ARHGAP24: variants seen among roughly 807,000 people sequenced by gnomAD.
ARHGAP24 encodes the protein Rho GTPase activating protein 24, also known as rho GTPase-activating protein 24.
Under a neutral mutation model 76.4 loss-of-function variants are expected in ARHGAP24, and 50 were observed. The observed-to-expected ratio is 0.65, with a 90% CI of 0.52 to 0.83. The LOEUF (loss-of-function observed/expected upper bound fraction) is 0.83, where lower values mean the gene tolerates loss of function less well. Among genes scored for constraint, ARHGAP24 ranks in the 40% least tolerant of loss-of-function variants. The pLI is 0.00. For synonymous variants in ARHGAP24, 345 were observed against 323.3 expected, an observed-to-expected ratio of 1.07 and a Z score of -0.72; for missense variants, 930 against 914.2, an observed-to-expected ratio of 1.02 and a Z score of -0.22.
At chr4:85,793,799 A>T (rs1728229040) in intron 3 of ARHGAP24, among the ~76,000 whole-genome samples, 1 of 152,294 alleles carries the variant, frequency 6.6e-6, no homozygotes, top group Admixed American at 6.5e-5. Context: ...GTTGCCAAAA[A>T]CACACACACA....
chr4:85,844,286 G>A (rs949599619), intron 3 of ARHGAP24, among the ~76,000 whole-genome samples: 6 of 152,164 alleles, frequency 3.9e-5, no homozygotes, highest in African/African-American at 1.2e-4. Context: ...ATCCATTAGC[G>A]GAGGGCCAGG....
chr4:85,855,489 C>T (rs1380014094), intron 3 of ARHGAP24, among the ~76,000 whole-genome samples: 6 of 152,010 alleles, frequency 3.9e-5, no homozygotes, highest in Non-Finnish European at 7.4e-5. Context: ...GGTGGATCAC[C>T]TGAGGTCAGG....
At chr4:85,830,396 G>T (rs919776846) in intron 3 of ARHGAP24, among the ~76,000 whole-genome samples, 4 of 152,206 alleles carry the variant, frequency 2.6e-5, no homozygotes, top group African/African-American at 9.6e-5. Context: ...ATCGTGCCTA[G>T]CATTTCTGCT....
chr4:85,915,411 G>A (rs1209262458), intron 3 of ARHGAP24, among the ~76,000 whole-genome samples: 1 of 152,062 alleles, frequency 6.6e-6, no homozygotes, highest in Non-Finnish European at 1.5e-5. Context: ...AGATAAATCA[G>A]TCATCACTTT....
At chr4:85,967,485 T>C (rs1342053348) in intron 5 of ARHGAP24, among the ~76,000 whole-genome samples, 5 of 152,070 alleles carry the variant, frequency 3.3e-5, no homozygotes, top group Admixed American at 2.6e-4. Context: ...AATTCTCCCT[T>C]TAAGTTTGTA....
intron 3 of ARHGAP24, among the ~76,000 whole-genome samples, chr4:85,818,543 G>A (rs1247544580): frequency 6.6e-6 from 1 of 152,142 alleles, no homozygotes; most frequent in Non-Finnish European, 1.5e-5. Context: ...CGTAATTTGA[G>A]ACCATGTAAA....
At chr4:85,946,646 G>T (rs1378998253) in intron 5 of ARHGAP24, among the ~76,000 whole-genome samples, 1 of 152,184 alleles carries the variant, frequency 6.6e-6, no homozygotes, top group Non-Finnish European at 1.5e-5. Context: ...CTATGTTGCA[G>T]CAGAGGACAT....
chr4:85,519,036 A>G (rs931866405), intron 1 of ARHGAP24, among the ~76,000 whole-genome samples: 63 of 152,256 alleles, frequency 4.1e-4, no homozygotes, highest in African/African-American at 1.5e-3. Context: ...ACAAATGGCT[A>G]ACAAACATAT....
chr4:85,942,304 A>G, intron 5 of ARHGAP24, 31 bp downstream of exon 5: 1 of 1,610,242 alleles, frequency 6.2e-7, no homozygotes, highest in Non-Finnish European at 8.5e-7. Context: ...AGCCATCTTC[A>G]CTGAGAAATT....
chr4:85,883,678 T>C (rs900506894), intron 3 of ARHGAP24, among the ~76,000 whole-genome samples: 8 of 152,068 alleles, frequency 5.3e-5, no homozygotes, highest in African/African-American at 1.9e-4. Context: ...CAGTATAGGG[T>C]CTAGGAGCCA....
intron 5 of ARHGAP24, among the ~76,000 whole-genome samples, chr4:85,966,230 AC>A (rs1738589767): frequency 6.6e-6 from 1 of 151,868 alleles, no homozygotes; most frequent in Admixed American, 6.6e-5. Context: ...AACCCTAATT[AC>A]CTCCCAGAGC....
chr4:85,890,011 G>A (rs1004015760), intron 3 of ARHGAP24, among the ~76,000 whole-genome samples: 1 of 151,644 alleles, frequency 6.6e-6, no homozygotes, highest in African/African-American at 2.4e-5. Context: ...CATTTTTTAG[G>A]TAATGATGTA....
intron 5 of ARHGAP24, among the ~76,000 whole-genome samples, chr4:85,961,830 G>A (rs536343480): frequency 3.3e-5 from 5 of 152,078 alleles, no homozygotes; most frequent in African/African-American, 4.8e-5. Context: ...GTACCCCTCA[G>A]CATGAAAACA....
chr4:85,622,895 C>T (rs1194125086), intron 2 of ARHGAP24, among the ~76,000 whole-genome samples: 1 of 152,056 alleles, frequency 6.6e-6, no homozygotes, highest in Non-Finnish European at 1.5e-5. Flanking sequence ...TAAATGTCTT[C>T]TTTTGAGAAG....
intron 1 of ARHGAP24, among the ~76,000 whole-genome samples, chr4:85,491,699 A>G (rs1230755136): frequency 6.6e-6 from 1 of 152,116 alleles, no homozygotes; most frequent in Non-Finnish European, 1.5e-5. Flanking sequence ...TTCTTAGCCC[A>G]AGGAGGGCTC....
chr4:85,661,763 C>T (rs1218101587), intron 2 of ARHGAP24, among the ~76,000 whole-genome samples: 27 of 149,300 alleles, frequency 1.8e-4, no homozygotes, highest in Middle Eastern at 3.4e-3. Context: ...TGAGAGCATG[C>T]GGTGTTTGGT....
In ARHGAP24 at chr4:85,972,049, C is replaced by T; in HGVS notation, c.613C>T (p.His205Tyr). 1.2e-6 allele frequency: 2 copies of T among 1,614,032 alleles called. No homozygotes were observed. The highest frequency in any genetic ancestry group is 1.7e-6 in the Non-Finnish European group (2 of 1,179,982). ...CTGTCTCCACAGCAACACAGATGTACACACGGTGGCATCACTTCTTAAGCT... is the reference window on the plus strand; with the variant it reads ...CTGTCTCCACAGCAACACAGATGTATACACGGTGGCATCACTTCTTAAGCT... ...KPSFDSNTDV[H>Y]TVASLLKLYL... Residue 205 changes from histidine (H) to tyrosine (Y), a missense_variant, in exon 6 of 10, where the codon CAC (histidine) becomes TAC (tyrosine). Coordinates refer to ENST00000395184, the MANE Select transcript of ARHGAP24 (RefSeq NM_001025616.3).
intron 3 of ARHGAP24, among the ~76,000 whole-genome samples, chr4:85,904,634 A>G (rs1734676310): frequency 6.6e-6 from 1 of 152,246 alleles, no homozygotes; most frequent in Non-Finnish European, 1.5e-5. Flanking sequence ...ACTGAAAATT[A>G]ATTTTTGGTT....
chr4:85,648,688 G>A (rs1721819222), intron 2 of ARHGAP24, among the ~76,000 whole-genome samples: 1 of 152,070 alleles, frequency 6.6e-6, no homozygotes, highest in African/African-American at 2.4e-5. Context: ...GAAGATTTCA[G>A]TCAGGAGATA....
Sources: gnomAD v4.1 joint callset for allele counts (sites outside exome capture counted in the v4.1 genomes callset) on GRCh38, gnomAD v4.1.1 for gene constraint, MANE v1.5 for transcripts, NCBI Gene and HGNC (gene_info 2026-07-23, HGNC 2026-07-21) for gene names.